HSD17B12: variants seen among roughly 807,000 people sequenced by gnomAD.
HSD17B12 encodes hydroxysteroid 17-beta dehydrogenase 12, also known as very-long-chain 3-oxoacyl-CoA reductase.
In HSD17B12, 32 loss-of-function variants were observed where a neutral mutation model predicts 39.3. That is an observed-to-expected ratio of 0.81 (90% confidence interval 0.61 to 1.09). The LOEUF (loss-of-function observed/expected upper bound fraction) is 1.09, where lower values mean the gene tolerates loss of function less well. Ranked by LOEUF, HSD17B12 falls within the 50% of genes least tolerant of loss-of-function variation. The pLI, the probability that HSD17B12 is intolerant of heterozygous loss-of-function variation, is 0.00. For synonymous variants in HSD17B12, 150 were observed against 146.7 expected (o/e 1.02, Z -0.16); for missense variants, 342 against 382.9 (o/e 0.89, Z 0.89).
At chr11:43,659,020 T>C in the HSD17B12 span, among the ~76,000 whole-genome samples, 3 of 152,226 alleles carry the variant, frequency 2.0e-5, no homozygotes, top group Non-Finnish European at 4.4e-5. Flanking sequence ...GCAGGCCTCC[T>C]TGAGCTGTGG....
At chr11:43,659,222 G>A in the HSD17B12 span, among the ~76,000 whole-genome samples, 3 of 152,358 alleles carry the variant, frequency 2.0e-5, no homozygotes, top group East Asian at 3.9e-4. Context: ...CTGGTGTGCC[G>A]TTTGTTAAGC....
At chr11:43,567,663 C>A in the HSD17B12 span, among the ~76,000 whole-genome samples, 2 of 152,332 alleles carry the variant, frequency 1.3e-5, no homozygotes, top group East Asian at 3.9e-4. Flanking sequence ...AGCATCCTGG[C>A]ACCTTGAAGC....
chr11:43,726,903 TGG>T (rs1176790638), intron 1 of HSD17B12, among the ~76,000 whole-genome samples: 1 of 151,974 alleles, frequency 6.6e-6, no homozygotes, highest in Non-Finnish European at 1.5e-5. Flanking sequence ...AGTTGGGAGG[TGG>T]GGGGCCATGG....
chr11:43,635,820 T>C, the HSD17B12 span, among the ~76,000 whole-genome samples: 2 of 132,768 alleles, frequency 1.5e-5, no homozygotes, highest in African/African-American at 6.4e-5. Flanking sequence ...TGAATAGTTA[T>C]GACTATAGTA....
At chr11:43,558,028 C>T in the HSD17B12 span, among the ~76,000 whole-genome samples, 1 of 152,138 alleles carries the variant, frequency 6.6e-6, no homozygotes, top group Non-Finnish European at 1.5e-5. Flanking sequence ...GGTTCTGGTC[C>T]TCCCAGTTCC....
intron 3 of HSD17B12, among the ~76,000 whole-genome samples, chr11:43,794,620 A>G (rs1056740695): frequency 6.6e-6 from 1 of 152,194 alleles, no homozygotes; most frequent in Non-Finnish European, 1.5e-5. Flanking sequence ...TTAAACATTC[A>G]CCGGGATCAG....
intron 3 of HSD17B12, among the ~76,000 whole-genome samples, chr11:43,787,610 G>A (rs1441374935): frequency 1.3e-5 from 2 of 151,860 alleles, no homozygotes; most frequent in African/African-American, 4.8e-5. Context: ...TGTGGCAGGC[G>A]CCTGTAATCC....
At chr11:43,650,000 C>T in the HSD17B12 span, among the ~76,000 whole-genome samples, 1 of 152,208 alleles carries the variant, frequency 6.6e-6, no homozygotes, top group East Asian at 1.9e-4. Flanking sequence ...GATCCTCCAG[C>T]CCCAGCTGCC....
the HSD17B12 span, among the ~76,000 whole-genome samples, chr11:43,650,332 A>C: frequency 6.6e-6 from 1 of 152,234 alleles, no homozygotes; most frequent in Non-Finnish European, 1.5e-5. Flanking sequence ...TGTTATTTCA[A>C]AGAGGAAATA....
the HSD17B12 span, chr11:43,644,108 T>G: frequency 6.6e-6 from 1 of 152,220 alleles, no homozygotes; most frequent in African/African-American, 2.4e-5. Context: ...GTGCAACAAT[T>G]GGCCGTTGGG....
Position 43,854,864 on chromosome 11 carries a change from G to A in HSD17B12, c.834G>A (p.Met278Ile), listed in dbSNP as rs1695643867. Residue 278 changes from methionine (M) to isoleucine (I), a missense_variant and splice_region_variant, in exon 10 of 11, where the codon ATG (methionine) becomes ATA (isoleucine). Coordinates refer to ENST00000278353, the MANE Select transcript of HSD17B12 (RefSeq NM_016142.3). Reference protein sequence around the residue: ...RTNGYLIHALMGSIISNLPSW... With the variant: ...RTNGYLIHALIGSIISNLPSW... ...ATGGATACCTGATCCATGCTCTTAT[G>A]GTAGGTAGATTTTTTGAATCACAAA... is the stretch of plus-strand genomic sequence containing the variant. The A allele has an allele frequency of 6.2e-7, 1 of 1,612,434 alleles. No individual in the cohort carries two copies. Among genetic ancestry groups the A allele is most frequent in the African/African-American group, 1.3e-5 (1 of 74,922 alleles).
the HSD17B12 span, among the ~76,000 whole-genome samples, chr11:43,667,920 A>G: frequency 1.3e-5 from 2 of 152,202 alleles, no homozygotes; most frequent in East Asian, 3.8e-4. Context: ...TATGAAACTT[A>G]AAGTATGGTT....
the HSD17B12 span, among the ~76,000 whole-genome samples, chr11:43,630,666 C>T: frequency 3.3e-5 from 5 of 152,168 alleles, no homozygotes; most frequent in Non-Finnish European, 5.9e-5. Flanking sequence ...TTTTAAGAAC[C>T]TAGCTGGATG....
intron 3 of HSD17B12, among the ~76,000 whole-genome samples, chr11:43,792,943 A>G (rs1950881780): frequency 6.6e-6 from 1 of 152,128 alleles, no homozygotes; most frequent in Non-Finnish European, 1.5e-5. Flanking sequence ...ATTTTAATAA[A>G]TCAGCTGTGT....
chr11:43,690,389 TATA>T (rs1367223550), intron 1 of HSD17B12, among the ~76,000 whole-genome samples: 2,411 of 26,646 alleles, frequency 0.09, 602 homozygotes, highest in East Asian at 0.34. Flanking sequence ...TATATATATA[TATA>T]TATATATATA....
At chr11:43,558,379 T>C in the HSD17B12 span, among the ~76,000 whole-genome samples, 4 of 151,826 alleles carry the variant, frequency 2.6e-5, no homozygotes, top group Non-Finnish European at 1.5e-5. Context: ...GCGCCTGGTG[T>C]TGGCCAAACC....
the HSD17B12 span, among the ~76,000 whole-genome samples, chr11:43,630,765 C>T: frequency 4.0e-5 from 6 of 149,980 alleles, no homozygotes; most frequent in African/African-American, 1.5e-4. Flanking sequence ...AAACATTGAT[C>T]TTTAAGCAAG....
At chr11:43,658,055 T>C in the HSD17B12 span, among the ~76,000 whole-genome samples, 1 of 152,248 alleles carries the variant, frequency 6.6e-6, no homozygotes, top group Non-Finnish European at 1.5e-5. Context: ...GATTTGGTCT[T>C]TTCACATAGT....
intron 1 of HSD17B12, among the ~76,000 whole-genome samples, chr11:43,699,643 C>A (rs970477385): frequency 2.6e-5 from 4 of 151,910 alleles, no homozygotes; most frequent in South Asian, 2.1e-4. Context: ...TTTTTCTCTT[C>A]TCTTGTGTTC....
Sources: allele counts gnomAD v4.1 joint callset (sites outside exome capture counted in the v4.1 genomes callset), GRCh38; gene constraint gnomAD v4.1.1; transcripts MANE v1.5; gene names NCBI Gene and HGNC (gene_info 2026-07-23, HGNC 2026-07-21).